The following PKD2L2 variants were observed in gnomAD, a reference collection of about 807,000 sequenced individuals.
PKD2L2 encodes the protein polycystin-2-like protein 2.
PKD2L2 carries 67 observed loss-of-function variants against 83.9 expected under a neutral mutation model. The observed-to-expected ratio is 0.80, with a 90% CI of 0.66 to 0.98. The LOEUF is 0.98. PKD2L2 is among the 50% of genes least tolerant of loss of function. The pLI is 0.00. For missense variants in PKD2L2, 632 were observed against 717.2 expected (o/e 0.88, Z 1.36); for synonymous variants, 223 against 237.8 (o/e 0.94, Z 0.57).
chr5:137,890,041 T>C (rs1189736889), intron 1 of PKD2L2: 5 of 160,136 alleles, frequency 3.1e-5, no homozygotes, highest in African/African-American at 1.2e-4. Flanking sequence ...TCCCAACACT[T>C]TGGGAGGCCG....
chr5:137,924,122 G>C (rs1759173331), intron 10 of PKD2L2, among the ~76,000 whole-genome samples: 2 of 152,106 alleles, frequency 1.3e-5, no homozygotes, highest in Non-Finnish European at 1.5e-5. Flanking sequence ...TTTTCGCCCA[G>C]CCTTCACTAT....
chr5:137,907,963 G>A, intron 7 of PKD2L2, 51 bp downstream of exon 7: 1 of 797,606 alleles, frequency 1.3e-6, no homozygotes, highest in Non-Finnish European at 1.8e-6. Flanking sequence ...ATAGCATAAT[G>A]AAAAATTAAA....
intron 14 of PKD2L2, among the ~76,000 whole-genome samples, chr5:137,941,095 A>G (rs1761634940): frequency 6.6e-6 from 1 of 151,992 alleles, no homozygotes; most frequent in Non-Finnish European, 1.5e-5. Flanking sequence ...TTTTCGGTAG[A>G]GACAGGGTTT....
At chr5:137,908,206 G>C (rs1304502807) in intron 7 of PKD2L2, among the ~76,000 whole-genome samples, 1 of 152,138 alleles carries the variant, frequency 6.6e-6, no homozygotes, top group Non-Finnish European at 1.5e-5. Flanking sequence ...CTACTCTGGA[G>C]GCTGAGGTGG....
At chr5:137,910,367 G>A (rs1268340346) in intron 8 of PKD2L2, among the ~76,000 whole-genome samples, 1 of 151,966 alleles carries the variant, frequency 6.6e-6, no homozygotes, top group Non-Finnish European at 1.5e-5. Context: ...GGAAAGGGAA[G>A]TATAAAGCAC....
rs1254572457 is a variant in PKD2L2, at chr5:137,908,849, G to A, written c.1231G>A (p.Ala411Thr). Residue 411 changes from alanine to threonine, a missense_variant, in exon 8 of 15, where the codon GCC (alanine) becomes ACC (threonine). Transcript: ENST00000508883. ...TTGTGTTAAAGACATAGTAGGATTT[G>A]CCATCATGTTTTTTATAATATTCTT... ...SRCVKDIVGF[A>T]IMFFIIFFAY... The A allele has an allele frequency of 2.5e-6, 4 of 1,595,006 alleles. No individual in the cohort carries two copies. Among genetic ancestry groups the A allele is most frequent in the Non-Finnish European group, 3.4e-6 (4 of 1,163,300 alleles).
In PKD2L2 at chr5:137,917,965, C is replaced by A. The variant is rs138060383; in HGVS notation, c.1329-3671C>A. 2.0e-4 allele frequency among the ~76,000 whole-genome samples: 30 copies of A among 152,202 alleles called. No homozygotes were observed. In the East Asian group the frequency reaches 5.6e-3, roughly 28 times the overall value. On this transcript the variant is annotated intron_variant, in intron 8 of 14. Coordinates refer to ENST00000508883, the MANE Select transcript of PKD2L2 (RefSeq NM_001300921.2). ...TGGAGCCATTGCACTTTGGGAGCCTCCTAGCAGTTTGGGAGGCCAAGGCAA... is the reference window on the plus strand; with the variant it reads ...TGGAGCCATTGCACTTTGGGAGCCTACTAGCAGTTTGGGAGGCCAAGGCAA...
intron 8 of PKD2L2, among the ~76,000 whole-genome samples, chr5:137,919,783 A>T (rs2150041924): frequency 6.6e-6 from 1 of 152,336 alleles, no homozygotes; most frequent in East Asian, 1.9e-4. Flanking sequence ...GACTTCATGT[A>T]GCCCATTTCT....
intron 4 of PKD2L2, among the ~76,000 whole-genome samples, chr5:137,895,638 G>C (rs1378228935): frequency 6.6e-6 from 1 of 152,114 alleles, no homozygotes; most frequent in Non-Finnish European, 1.5e-5. Flanking sequence ...AGCACTTTGA[G>C]AGGCTGAGGC....
rs542656753 is a variant in PKD2L2, at chr5:137,920,007, G to A, written c.1329-1629G>A. On this transcript the variant is annotated intron_variant, in intron 8 of 14. Coordinates refer to ENST00000508883, the MANE Select transcript of PKD2L2 (RefSeq NM_001300921.2). ...AAGGTCAGGAATTTGAGACCAACCTGGTCAACGTGGTGAAATCCTGTCTCT... is the reference window on the plus strand; with the variant it reads ...AAGGTCAGGAATTTGAGACCAACCTAGTCAACGTGGTGAAATCCTGTCTCT... 1.4e-4 allele frequency among the ~76,000 whole-genome samples: 22 copies of A among 152,260 alleles called. No individual in the cohort carries two copies. The South Asian group carries it at 4.1e-3, about 29-fold the overall frequency.
chr5:137,936,981 G>C (rs941076466), intron 14 of PKD2L2, among the ~76,000 whole-genome samples: 2 of 152,182 alleles, frequency 1.3e-5, no homozygotes, highest in African/African-American at 4.8e-5. Flanking sequence ...CTAGAAAAGT[G>C]AAAGTACAAG....
intron 8 of PKD2L2, among the ~76,000 whole-genome samples, chr5:137,920,944 T>C (rs1173045892): frequency 6.6e-6 from 1 of 152,218 alleles, no homozygotes; most frequent in East Asian, 1.9e-4. Context: ...GTCTAAACCT[T>C]CTACAAGTTG....
intron 8 of PKD2L2, among the ~76,000 whole-genome samples, chr5:137,911,485 C>A (rs1757830045): frequency 6.6e-6 from 1 of 152,060 alleles, no homozygotes; most frequent in Non-Finnish European, 1.5e-5. Flanking sequence ...TGGTTATATA[C>A]CCAGAAGTAG....
At chr5:137,923,108 T>C (rs909412136) in intron 9 of PKD2L2, among the ~76,000 whole-genome samples, 8 of 151,862 alleles carry the variant, frequency 5.3e-5, no homozygotes, top group African/African-American at 1.9e-4. Context: ...CTCCACCTCC[T>C]GGGTTCAAGA....
At chr5:137,898,968 A>G (rs2150008311) in intron 4 of PKD2L2, among the ~76,000 whole-genome samples, 1 of 152,342 alleles carries the variant, frequency 6.6e-6, no homozygotes, top group Admixed American at 6.5e-5. Context: ...CACCATATGC[A>G]TTAAAAAGTA....
chr5:137,902,590 G>A (rs1430876661), intron 5 of PKD2L2, among the ~76,000 whole-genome samples: 1 of 152,066 alleles, frequency 6.6e-6, no homozygotes, highest in Non-Finnish European at 1.5e-5. Context: ...AGTGAGCTTG[G>A]CCTGGCATAA....
chr5:137,892,932 A>C (rs1272934931), intron 3 of PKD2L2, among the ~76,000 whole-genome samples: 2 of 152,008 alleles, frequency 1.3e-5, no homozygotes, highest in African/African-American at 4.8e-5. Flanking sequence ...ACTTGGTGAA[A>C]CCTCGTCTCT....
intron 8 of PKD2L2, among the ~76,000 whole-genome samples, chr5:137,917,116 T>G (rs1758433281): frequency 6.6e-6 from 1 of 151,954 alleles, no homozygotes; most frequent in Admixed American, 6.6e-5. Context: ...TGTATGTTGG[T>G]CTACTTGATG....
At position 137,925,941 on chromosome 5, in the gene PKD2L2, A is replaced by AT. The variant is rs1177051194; in HGVS notation, c.1671+19dup. On this transcript the variant is annotated intron_variant, in intron 12 of 14. Transcript: ENST00000508883. ...GCTTTGACGAAAATGTAAGATTTTA[A>AT]TTTTTTTCATAAACACTAGTGGTAG... 7 of 1,543,604 alleles carry AT rather than the reference A, an allele frequency of 4.5e-6. No individual in the cohort carries two copies. Among genetic ancestry groups the AT allele is most frequent in the Non-Finnish European group, 5.4e-6 (6 of 1,120,400 alleles).
Sources: gnomAD v4.1 joint callset for allele counts (sites outside exome capture counted in the v4.1 genomes callset) on GRCh38, gnomAD v4.1.1 for gene constraint, MANE v1.5 for transcripts, NCBI Gene and HGNC (gene_info 2026-07-23, HGNC 2026-07-21) for gene names.